The following TMTC2 variants were observed in gnomAD, a reference collection of about 807,000 sequenced individuals.
The protein encoded by TMTC2 is transmembrane O-mannosyltransferase targeting cadherins 2.
In TMTC2, 43 loss-of-function variants were observed where a neutral mutation model predicts 82.4. The ratio of observed to expected loss-of-function variants is 0.52; its 90% CI spans 0.41 to 0.67. TMTC2 has a LOEUF of 0.67. TMTC2 is among the 30% of genes least tolerant of loss of function. The probability of loss-of-function intolerance (pLI) is 0.00; values close to 1 mark genes in which losing one functional copy is unlikely to be tolerated. For missense variants in TMTC2, 919 were observed against 1,012.4 expected (o/e 0.91, Z 1.25); for synonymous variants, 408 against 381.9 (o/e 1.07, Z -0.80).
At chr12:82,769,687 T>C (rs1877180439) in intron 1 of TMTC2, among the ~76,000 whole-genome samples, 1 of 152,142 alleles carries the variant, frequency 6.6e-6, no homozygotes, top group South Asian at 2.1e-4. Flanking sequence ...CTCGGCTCAC[T>C]GTAGCCTCCA....
At chr12:82,712,654 A>C (rs191248186) in intron 1 of TMTC2, among the ~76,000 whole-genome samples, 2 of 152,250 alleles carry the variant, frequency 1.3e-5, no homozygotes, top group East Asian at 3.9e-4. Flanking sequence ...ACACATTCAG[A>C]ACATTTGCAG....
At chr12:82,989,284 A>G (rs996736615) in intron 8 of TMTC2, among the ~76,000 whole-genome samples, 2 of 152,110 alleles carry the variant, frequency 1.3e-5, no homozygotes, top group African/African-American at 4.8e-5. Context: ...CAAATGGCAG[A>G]GAAAGAACAA....
chr12:82,960,810 G>A (rs1236204492), intron 4 of TMTC2, among the ~76,000 whole-genome samples: 1 of 90,082 alleles, frequency 1.1e-5, no homozygotes, highest in African/African-American at 4.3e-5. Context: ...AAATATATAG[G>A]TATCAGGTTT....
At chr12:82,986,530 G>C (rs956187891) in intron 8 of TMTC2, 3 of 154,278 alleles carry the variant, frequency 1.9e-5, no homozygotes, top group Admixed American at 1.9e-4. Flanking sequence ...AATCATATTT[G>C]CATAAATATT....
chr12:82,728,863 A>T (rs1874602607), intron 1 of TMTC2, among the ~76,000 whole-genome samples: 1 of 152,184 alleles, frequency 6.6e-6, no homozygotes, highest in Non-Finnish European at 1.5e-5. Context: ...CTGCACTATG[A>T]GCAGCCAGCC....
intron 1 of TMTC2, among the ~76,000 whole-genome samples, chr12:82,688,677 C>T (rs938048191): frequency 6.6e-6 from 1 of 152,176 alleles, no homozygotes; most frequent in Non-Finnish European, 1.5e-5. Flanking sequence ...TGGGGTGTTT[C>T]ATGCTCCATT....
chr12:82,698,379 A>G (rs551758934), intron 1 of TMTC2, among the ~76,000 whole-genome samples: 1 of 152,282 alleles, frequency 6.6e-6, no homozygotes, highest in South Asian at 2.1e-4. Flanking sequence ...GGAAACAAAA[A>G]TAATAATAGT....
At chr12:82,812,271 T>A (rs1868441756) in intron 1 of TMTC2, among the ~76,000 whole-genome samples, 1 of 152,148 alleles carries the variant, frequency 6.6e-6, no homozygotes, top group Admixed American at 6.5e-5. Context: ...TTCAACTGCA[T>A]GTAATTTCAA....
rs1444247187 is a variant in TMTC2, at chr12:82,706,899, AC to A, written c.83+19231del. Reference sequence around the variant, plus strand: ...AGAGGAGGAGAGGTGAGATGTCAGAACATCTCTGCTCACAAATGTGTGTTGT... The same window carrying A: ...AGAGGAGGAGAGGTGAGATGTCAGAAATCTCTGCTCACAAATGTGTGTTGT... On this transcript the variant is annotated intron_variant, in intron 1 of 11. Coordinates refer to ENST00000321196, the MANE Select transcript of TMTC2 (RefSeq NM_152588.3). Among the ~76,000 whole-genome samples the A allele has an allele frequency of 5.3e-5, 8 of 152,310 alleles. No homozygotes were observed. In the East Asian group the frequency reaches 1.5e-3, roughly 29 times the overall value.
chr12:82,896,837 T>C (rs1215598519), intron 3 of TMTC2, among the ~76,000 whole-genome samples, 191 bp downstream of exon 3: 1 of 152,194 alleles, frequency 6.6e-6, no homozygotes, highest in Non-Finnish European at 1.5e-5. Flanking sequence ...CAATATTCCT[T>C]ACTTGGAATA....
At chr12:83,015,828 G>A (rs1032983567) in intron 8 of TMTC2, among the ~76,000 whole-genome samples, 2 of 152,200 alleles carry the variant, frequency 1.3e-5, no homozygotes, top group African/African-American at 4.8e-5. Context: ...CCGGCGATAC[G>A]CTTGTCGCTT....
At chr12:82,927,651 T>C (rs1875798204) in intron 3 of TMTC2, among the ~76,000 whole-genome samples, 1 of 152,198 alleles carries the variant, frequency 6.6e-6, no homozygotes, top group Admixed American at 6.5e-5. Context: ...GAAGAGTTAA[T>C]TGATATGGCA....
At chr12:82,989,980 C>A (rs1592678183) in intron 8 of TMTC2, among the ~76,000 whole-genome samples, 1 of 152,222 alleles carries the variant, frequency 6.6e-6, no homozygotes, top group South Asian at 2.1e-4. Flanking sequence ...TGACATTTGG[C>A]AAATTTCTGA....
intron 11 of TMTC2, among the ~76,000 whole-genome samples, chr12:83,130,773 G>A (rs148893254): frequency 4.5e-4 from 68 of 152,244 alleles, no homozygotes; most frequent in African/African-American, 1.5e-3. Flanking sequence ...ATGTATATTT[G>A]TTTATTTTTT....
At chr12:82,772,982 T>G (rs926737370) in intron 1 of TMTC2, among the ~76,000 whole-genome samples, 1 of 152,234 alleles carries the variant, frequency 6.6e-6, no homozygotes, top group African/African-American at 2.4e-5. Context: ...TTTTCAAAGG[T>G]TTGAAAGGTA....
intron 11 of TMTC2, among the ~76,000 whole-genome samples, chr12:83,125,217 C>T (rs1402072630): frequency 6.6e-6 from 1 of 152,154 alleles, no homozygotes; most frequent in African/African-American, 2.4e-5. Flanking sequence ...CTATCATTAC[C>T]TTGAGTGAAC....
intron 4 of TMTC2, among the ~76,000 whole-genome samples, chr12:82,939,583 T>C (rs1478597001): frequency 6.6e-6 from 1 of 152,202 alleles, no homozygotes; most frequent in Admixed American, 6.5e-5. Flanking sequence ...CATTATAATT[T>C]ATTGGATACT....
intron 3 of TMTC2, among the ~76,000 whole-genome samples, chr12:82,919,353 G>A (rs1875240762): frequency 6.6e-6 from 1 of 152,138 alleles, no homozygotes; most frequent in South Asian, 2.1e-4. Context: ...GTTACATTGG[G>A]AATTAAGTTT....
At chr12:82,980,140 A>G (rs1254916325) in intron 7 of TMTC2, among the ~76,000 whole-genome samples, 1 of 151,760 alleles carries the variant, frequency 6.6e-6, no homozygotes, top group African/African-American at 2.4e-5. Flanking sequence ...CATAATTATG[A>G]ATAATTTCAA....
Sources: allele counts gnomAD v4.1 joint callset (sites outside exome capture counted in the v4.1 genomes callset), GRCh38; gene constraint gnomAD v4.1.1; transcripts MANE v1.5; gene names NCBI Gene and HGNC (gene_info 2026-07-23, HGNC 2026-07-21).